SRPK1: variants seen among roughly 807,000 people sequenced by gnomAD.
The protein encoded by SRPK1 is SFRS protein kinase 1.
SRPK1 carries 52 observed loss-of-function variants against 89.5 expected under a neutral mutation model. That is an observed-to-expected ratio of 0.58 (90% confidence interval 0.46 to 0.73). The LOEUF (loss-of-function observed/expected upper bound fraction) is 0.73, where lower values mean the gene tolerates loss of function less well. Among genes scored for constraint, SRPK1 ranks in the 30% least tolerant of loss-of-function variants. The pLI is 0.00. For missense variants in SRPK1, 603 were observed against 780.6 expected (o/e 0.77, Z 2.71); for synonymous variants, 255 against 270.2 (o/e 0.94, Z 0.55).
chr6:35,881,880 A>C (rs1307597304), intron 6 of SRPK1, among the ~76,000 whole-genome samples: 2 of 152,092 alleles, frequency 1.3e-5, no homozygotes, highest in East Asian at 1.9e-4. Flanking sequence ...TAGAGGACTT[A>C]ACACAATAAA....
At chr6:35,866,025 AC>A (rs200740480) in intron 12 of SRPK1, among the ~76,000 whole-genome samples, 7 of 152,002 alleles carry the variant, frequency 4.6e-5, no homozygotes, top group Admixed American at 6.5e-5. Context: ...TAAAAAAAAA[AC>A]CAAATAATCC....
At chr6:35,875,528 G>C (rs1433059304) in intron 6 of SRPK1, among the ~76,000 whole-genome samples, 1 of 152,050 alleles carries the variant, frequency 6.6e-6, no homozygotes, top group Non-Finnish European at 1.5e-5. Flanking sequence ...CACTATAAAG[G>C]ATAAAATTAT....
At chr6:35,859,275 TA>T (rs1769726826) in intron 12 of SRPK1, among the ~76,000 whole-genome samples, 1 of 152,142 alleles carries the variant, frequency 6.6e-6, no homozygotes, top group African/African-American at 2.4e-5. Context: ...ATTAGTGATA[TA>T]AAGGTAAATA....
At chr6:35,864,369 T>C (rs908141069) in intron 12 of SRPK1, among the ~76,000 whole-genome samples, 2 of 151,446 alleles carry the variant, frequency 1.3e-5, no homozygotes, top group African/African-American at 2.4e-5. Context: ...TCTAATAATC[T>C]GATCAAAAAA....
chr6:35,896,474 C>A (rs1770628975), intron 2 of SRPK1, among the ~76,000 whole-genome samples: 1 of 152,184 alleles, frequency 6.6e-6, no homozygotes, highest in Non-Finnish European at 1.5e-5. Context: ...AAAACTGGAA[C>A]CCTTACACAT....
In SRPK1 at chr6:35,907,416, T is replaced by C. The variant is rs183922301; in HGVS notation, c.74+13052A>G. Among the ~76,000 whole-genome samples the C allele has an allele frequency of 2.0e-3, 309 of 152,168 alleles. 2 individuals carry two copies. The highest frequency in any genetic ancestry group is 2.0e-3 in the Non-Finnish European group (139 of 67,988). On this transcript the variant is annotated intron_variant, in intron 2 of 15. Coordinates refer to ENST00000373825, the MANE Select transcript of SRPK1 (RefSeq NM_003137.5). ...GCCTGGGATTTGCTTTAAAATAAGA[T>C]GGAGTGAGGCTGGGCGCGATGGCTC...
At chr6:35,838,719 G>A in intron 14 of SRPK1, 1 of 1,433,056 alleles carries the variant, frequency 7.0e-7, no homozygotes, top group Non-Finnish European at 9.4e-7. Flanking sequence ...TGTGACTGAA[G>A]AAGTCTTGTG....
At chr6:35,880,719 CA>C (rs1364287123) in intron 6 of SRPK1, among the ~76,000 whole-genome samples, 12 of 4,104 alleles carry the variant, frequency 2.9e-3, no homozygotes, top group African/African-American at 0.017. Context: ...GACTCCATCT[CA>C]AAAAAAAAAA....
At chr6:35,841,053 G>A (rs1390717878) in intron 14 of SRPK1, among the ~76,000 whole-genome samples, 1 of 151,994 alleles carries the variant, frequency 6.6e-6, no homozygotes, top group Admixed American at 6.6e-5. Flanking sequence ...GGAAGTAAAG[G>A]GGAAAAAAAT....
intron 12 of SRPK1, among the ~76,000 whole-genome samples, chr6:35,861,926 C>G (rs189765915): frequency 6.3e-4 from 96 of 152,284 alleles, no homozygotes; most frequent in African/African-American, 2.0e-3. Context: ...TATGCGCTTG[C>G]CCTTGGGCGA....
chr6:35,890,791 G>T, intron 3 of SRPK1, 104 bp downstream of exon 3: 1 of 991,060 alleles, frequency 1.0e-6, no homozygotes, highest in South Asian at 2.4e-5. Context: ...AAGGATACAA[G>T]TAAACAGCAA....
chr6:35,866,573 G>A (rs941411768), intron 12 of SRPK1, among the ~76,000 whole-genome samples: 9 of 151,858 alleles, frequency 5.9e-5, no homozygotes, highest in Non-Finnish European at 1.2e-4. Flanking sequence ...GCAATAGAGC[G>A]AGACTCCATT....
chr6:35,905,606 T>G (rs1770833337), intron 2 of SRPK1, among the ~76,000 whole-genome samples: 1 of 152,220 alleles, frequency 6.6e-6, no homozygotes, highest in Admixed American at 6.5e-5. Context: ...ACTATAAAAT[T>G]CAGTCACTTG....
rs182774997 is a variant in SRPK1, at chr6:35,869,929, A to G, written c.992-28T>C. On this transcript the variant is annotated intron_variant, in intron 10 of 15. Coordinates refer to ENST00000373825, the MANE Select transcript of SRPK1 (RefSeq NM_003137.5). ...AAGGAACAAACGAACAAAAAAAGAT[A>G]TATGCATATGTGTGTGAGTGAAAGA... The G allele has an allele frequency of 2.8e-5, 43 of 1,519,430 alleles. No individual in the cohort carries two copies. The African/African-American group carries it at 4.5e-4, about 16-fold the overall frequency. 94.1% of individuals were successfully genotyped at this position (1,519,430 alleles called of 1,614,324 possible). A position where few individuals can be genotyped will look rare whatever the true frequency, so the allele number is the denominator to read the frequency against.
At chr6:35,871,007 A>C (rs368183625) in intron 8 of SRPK1, 48 bp from the exon 9 acceptor site, 70 of 1,534,934 alleles carry the variant, frequency 4.6e-5, no homozygotes, top group Non-Finnish European at 6.0e-5. Flanking sequence ...TCATCAGGCA[A>C]TATAAACTAA....
At chr6:35,913,654 C>T (rs1405169499) in intron 2 of SRPK1, among the ~76,000 whole-genome samples, 1 of 151,680 alleles carries the variant, frequency 6.6e-6, no homozygotes, top group African/African-American at 2.4e-5. Flanking sequence ...AAAAATTAGC[C>T]AGGTGTGGTG....
chr6:35,862,003 G>A (rs1032609618), intron 12 of SRPK1, among the ~76,000 whole-genome samples: 2 of 152,144 alleles, frequency 1.3e-5, no homozygotes, highest in Non-Finnish European at 2.9e-5. Context: ...AGCACACTTA[G>A]GAAAATACCC....
Position 35,869,230 on chromosome 6 carries a change from T to C in SRPK1, c.1412-120A>G, listed in dbSNP as rs532016439. 2.5e-4 allele frequency: 241 copies of C among 955,546 alleles called. No individual in the cohort carries two copies. In the African/African-American group the frequency reaches 3.2e-3, roughly 13 times the overall value. 59.2% of individuals were successfully genotyped at this position (955,546 alleles called of 1,614,324 possible). A position where few individuals can be genotyped will look rare whatever the true frequency, so the allele number is the denominator to read the frequency against. On this transcript the variant is annotated intron_variant, in intron 11 of 15. Transcript: ENST00000373825. ...GCAATACCCAAGTGACAACTTACAT[T>C]TTCTGAGACAAAAAGAGCACAGCAA...
At chr6:35,920,648 G>A in intron 1 of SRPK1, 120 bp from the exon 2 acceptor site, 1 of 723,242 alleles carries the variant, frequency 1.4e-6, no homozygotes, top group Non-Finnish European at 1.9e-6. Flanking sequence ...GGGCGGCTGC[G>A]GGCTCCGGCG....
Sources: gnomAD v4.1 joint callset for allele counts (sites outside exome capture counted in the v4.1 genomes callset) on GRCh38, gnomAD v4.1.1 for gene constraint, MANE v1.5 for transcripts, NCBI Gene and HGNC (gene_info 2026-07-23, HGNC 2026-07-21) for gene names.